Variants in CTDSPL observed in about 807,000 individuals in gnomAD.
CTDSPL encodes the protein CTD small phosphatase like.
In CTDSPL, 8 loss-of-function variants were observed where a neutral mutation model predicts 30.5. The ratio of observed to expected loss-of-function variants is 0.26; its 90% CI spans 0.15 to 0.47. The LOEUF is 0.47. Among genes scored for constraint, CTDSPL ranks in the 20% least tolerant of loss-of-function variants. CTDSPL has a pLI of 0.99. For synonymous variants in CTDSPL, 110 were observed against 137.9 expected, an observed-to-expected ratio of 0.80 and a Z score of 1.42; for missense variants, 248 against 366.1, an observed-to-expected ratio of 0.68 and a Z score of 2.63.
chr3:37,944,315 A>G (rs1229144153), intron 1 of CTDSPL, among the ~76,000 whole-genome samples: 1 of 150,542 alleles, frequency 6.6e-6, no homozygotes, highest in Non-Finnish European at 1.5e-5. Context: ...CTTAGTTATG[A>G]TCAAGTCAGA....
At chr3:37,930,087 A>G (rs1698833543) in intron 1 of CTDSPL, among the ~76,000 whole-genome samples, 1 of 150,282 alleles carries the variant, frequency 6.7e-6, no homozygotes, top group Non-Finnish European at 1.5e-5. Flanking sequence ...AGCCTGGGTG[A>G]CAGAGTGAGA....
chr3:37,946,092 T>G (rs1469116681), intron 1 of CTDSPL, among the ~76,000 whole-genome samples: 1 of 151,860 alleles, frequency 6.6e-6, no homozygotes, highest in Non-Finnish European at 1.5e-5. Context: ...GCCTGCGGCC[T>G]CTTCTCAGTG....
intron 1 of CTDSPL, among the ~76,000 whole-genome samples, chr3:37,882,658 T>C (rs1698220991): frequency 6.6e-6 from 1 of 152,038 alleles, no homozygotes; most frequent in African/African-American, 2.4e-5. Flanking sequence ...TAGCTGAGTA[T>C]TAGGATAAAA....
At chr3:37,968,132 T>A (rs951081409) in intron 5 of CTDSPL, 1 of 464,054 alleles carries the variant, frequency 2.2e-6, no homozygotes, top group Non-Finnish European at 3.9e-6. Context: ...TGATTTGAAT[T>A]TCAGAAGTTT....
At chr3:37,962,268 C>A (rs1040753184) in intron 3 of CTDSPL, among the ~76,000 whole-genome samples, 4 of 152,156 alleles carry the variant, frequency 2.6e-5, no homozygotes, top group African/African-American at 9.7e-5. Flanking sequence ...GAATTCTTAC[C>A]CATGGGCTGA....
intron 1 of CTDSPL, among the ~76,000 whole-genome samples, chr3:37,881,536 T>A (rs1005913474): frequency 2.0e-5 from 3 of 151,720 alleles, no homozygotes; most frequent in African/African-American, 4.8e-5. Context: ...CTCAAAAAAA[T>A]AAAAATAAAA....
chr3:37,885,730 G>A (rs958543551), intron 1 of CTDSPL, among the ~76,000 whole-genome samples: 8 of 152,142 alleles, frequency 5.3e-5, no homozygotes, highest in Non-Finnish European at 8.8e-5. Flanking sequence ...CTGGGGTACA[G>A]GTGAGCAGGA....
intron 1 of CTDSPL, among the ~76,000 whole-genome samples, chr3:37,905,921 G>C (rs1698509857): frequency 6.6e-6 from 1 of 152,210 alleles, no homozygotes; most frequent in East Asian, 1.9e-4. Flanking sequence ...CCAATGAAGA[G>C]GAGAGAAGAG....
chr3:37,903,456 G>A (rs913844907), intron 1 of CTDSPL, among the ~76,000 whole-genome samples: 1 of 152,158 alleles, frequency 6.6e-6, no homozygotes, highest in African/African-American at 2.4e-5. Flanking sequence ...GCAGGGGGTG[G>A]GAGAGATTCT....
At chr3:37,900,677 T>C (rs1361709662) in intron 1 of CTDSPL, among the ~76,000 whole-genome samples, 22 of 152,204 alleles carry the variant, frequency 1.4e-4, no homozygotes, top group Admixed American at 1.4e-3. Flanking sequence ...TGGATAAATA[T>C]CATGAGGAGA....
At chr3:37,968,099 G>A (rs774082543) in intron 5 of CTDSPL, 3 of 515,482 alleles carry the variant, frequency 5.8e-6, no homozygotes, top group African/African-American at 3.9e-5. Context: ...TATTAGATGC[G>A]GTTGCAAGTT....
intron 1 of CTDSPL, among the ~76,000 whole-genome samples, chr3:37,863,277 C>G (rs1441711210): frequency 6.6e-6 from 1 of 152,204 alleles, no homozygotes; most frequent in Non-Finnish European, 1.5e-5. Context: ...TGGCCAAGGG[C>G]TCAGCCAGCA....
intron 1 of CTDSPL, among the ~76,000 whole-genome samples, chr3:37,932,537 A>G (rs1698866364): frequency 6.6e-6 from 1 of 152,262 alleles, no homozygotes; most frequent in Non-Finnish European, 1.5e-5. Flanking sequence ...TTCTCAAAAG[A>G]AGAAATAGAA....
chr3:37,928,506 AC>A (rs898622222), intron 1 of CTDSPL, among the ~76,000 whole-genome samples: 1 of 152,024 alleles, frequency 6.6e-6, no homozygotes, highest in African/African-American at 2.4e-5. Context: ...CTTCTTATAT[AC>A]CTGTTGACCA....
chr3:37,909,344 A>G (rs1441828736), intron 1 of CTDSPL, among the ~76,000 whole-genome samples: 2 of 152,246 alleles, frequency 1.3e-5, no homozygotes, highest in African/African-American at 2.4e-5. Flanking sequence ...ACACTGGCAT[A>G]GCAGATGCCC....
At chr3:37,918,178 G>A (rs1698671746) in intron 1 of CTDSPL, among the ~76,000 whole-genome samples, 1 of 152,110 alleles carries the variant, frequency 6.6e-6, no homozygotes, top group Admixed American at 6.5e-5. Context: ...TGGGCCTAAG[G>A]TACAGTCTTC....
chr3:37,966,909 T>C (rs1699305193), intron 4 of CTDSPL, among the ~76,000 whole-genome samples: 1 of 152,196 alleles, frequency 6.6e-6, no homozygotes, highest in Non-Finnish European at 1.5e-5. Flanking sequence ...AGGCTGATGA[T>C]TCAGTTGGGC....
chr3:37,862,532 G>A lies in CTDSPL; in HGVS notation c.79+254G>A, dbSNP rs868722426. On this transcript the variant is annotated intron_variant, in intron 1 of 7. Transcript: ENST00000273179. This position sits in a 1 kb window ranked among gnomAD's most constrained non-coding sequence, Gnocchi z 4.3. The stretch of plus-strand genomic sequence containing the variant: ...CATCTAACCGGGAGGTTGTGAGTTT[G>A]TGTGCGCGCACGCCCGCAGAGAAGT... Among the ~76,000 whole-genome samples the A allele has an allele frequency of 1.3e-5, 2 of 152,178 alleles. No individual in the cohort carries two copies. Among genetic ancestry groups the A allele is most frequent in the Admixed American group, 6.5e-5 (1 of 15,286 alleles).
intron 1 of CTDSPL, among the ~76,000 whole-genome samples, chr3:37,891,485 G>A (rs1353087118): frequency 6.6e-6 from 1 of 152,250 alleles, no homozygotes; most frequent in African/African-American, 2.4e-5. Flanking sequence ...TGTTTGTGGA[G>A]ACTGTGTGCA....
Sources: allele counts gnomAD v4.1 joint callset (sites outside exome capture counted in the v4.1 genomes callset), GRCh38; gene constraint gnomAD v4.1.1; non-coding constraint Gnocchi (gnomAD v3.1); transcripts MANE v1.5; gene names NCBI Gene and HGNC (gene_info 2026-07-23, HGNC 2026-07-21).